The following SGCD variants were observed in gnomAD, a reference collection of about 807,000 sequenced individuals.
The protein encoded by SGCD is sarcoglycan delta, also known as delta-sarcoglycan.
A neutral mutation model predicts 36.6 loss-of-function variants in SGCD; 18 were observed. The observed-to-expected ratio is 0.49, with a 90% CI of 0.34 to 0.73. The LOEUF is 0.73. SGCD is among the 30% of genes least tolerant of loss of function. The pLI, the probability that SGCD is intolerant of heterozygous loss-of-function variation, is 0.01. For missense variants in SGCD, 387 were observed against 346.7 expected (o/e 1.12, Z -0.92); for synonymous variants, 133 against 130.6 (o/e 1.02, Z -0.12).
At chr5:156,729,269 T>G (rs1241009306) in intron 7 of SGCD, among the ~76,000 whole-genome samples, 2 of 152,200 alleles carry the variant, frequency 1.3e-5, no homozygotes, top group African/African-American at 2.4e-5. Flanking sequence ...AAGCTTTCCT[T>G]TGAGAACAAG....
intron 3 of SGCD, among the ~76,000 whole-genome samples, chr5:156,295,981 A>G (rs900993376): frequency 1.3e-5 from 2 of 152,178 alleles, no homozygotes; most frequent in Non-Finnish European, 1.5e-5. Context: ...CTTCTAAGAC[A>G]TGAATGTTAA....
At chr5:156,381,147 G>T (rs1000357976) in intron 3 of SGCD, among the ~76,000 whole-genome samples, 2 of 152,204 alleles carry the variant, frequency 1.3e-5, no homozygotes, top group Non-Finnish European at 2.9e-5. Flanking sequence ...AGGTAATCAG[G>T]CTTGTGAATT....
chr5:155,729,055 G>A, the SGCD span, among the ~76,000 whole-genome samples: 1 of 152,254 alleles, frequency 6.6e-6, no homozygotes, highest in Non-Finnish European at 1.5e-5. Context: ...ACGGCAAAGA[G>A]ACGGGAGAAA....
At chr5:156,726,827 A>C (rs1268094139) in intron 7 of SGCD, among the ~76,000 whole-genome samples, 1 of 152,238 alleles carries the variant, frequency 6.6e-6, no homozygotes. Flanking sequence ...TGTTAGGGCC[A>C]GAATGGTTGG....
rs547119632 is a variant in SGCD, at chr5:156,018,970, A to G, written c.-281-98908A>G. Among the ~76,000 whole-genome samples, 5 of 152,206 alleles carry G rather than the reference A, an allele frequency of 3.3e-5. No individual in the cohort carries two copies. In the South Asian group the frequency reaches 1.0e-3, roughly 32 times the overall value. ...AATTCAAGAGATTCATTGTCTTTTTAATAGGAAAAAATCTGTCAGTCAGGG... is the reference window on the plus strand; with the variant it reads ...AATTCAAGAGATTCATTGTCTTTTTGATAGGAAAAAATCTGTCAGTCAGGG... On this transcript the variant is annotated intron_variant, in intron 1 of 9. Transcript: ENST00000517913.
At chr5:156,423,656 C>T (rs911790649) in intron 3 of SGCD, among the ~76,000 whole-genome samples, 26 of 151,322 alleles carry the variant, frequency 1.7e-4, no homozygotes, top group Non-Finnish European at 7.4e-5. Context: ...GGGAGGGCAG[C>T]CTCTCAAGAA....
intron 3 of SGCD, among the ~76,000 whole-genome samples, chr5:156,286,770 A>G (rs1355531494): frequency 1.3e-5 from 2 of 152,110 alleles, no homozygotes; most frequent in Non-Finnish European, 2.9e-5. Flanking sequence ...ACATGTATAC[A>G]TATGTAACAA....
intron 3 of SGCD, among the ~76,000 whole-genome samples, chr5:156,157,893 C>G (rs1294514121): frequency 6.6e-6 from 1 of 151,542 alleles, no homozygotes; most frequent in Non-Finnish European, 1.5e-5. Context: ...ATATTAGTTT[C>G]TTAATTTATA....
chr5:156,607,996 T>A (rs1761563660), intron 6 of SGCD, among the ~76,000 whole-genome samples: 1 of 152,222 alleles, frequency 6.6e-6, no homozygotes, highest in South Asian at 2.1e-4. Context: ...AAAAAACAGC[T>A]CCTGGATTCA....
At chr5:156,173,884 G>C (rs1416179104) in intron 3 of SGCD, among the ~76,000 whole-genome samples, 1 of 151,788 alleles carries the variant, frequency 6.6e-6, no homozygotes, top group Non-Finnish European at 1.5e-5. Flanking sequence ...GGAAAATTAA[G>C]TTTTTTATAT....
At chr5:155,770,436 T>C in the SGCD span, among the ~76,000 whole-genome samples, 12,278 of 152,124 alleles carry the variant, frequency 0.081, 564 homozygotes, top group African/African-American at 0.11. Flanking sequence ...TCAAAGACCT[T>C]GGAGCAAGAA....
Position 156,125,805 on chromosome 5 carries a change from A to G in SGCD, c.-44+1786A>G, listed in dbSNP as rs910940512. 4.0e-5 allele frequency among the ~76,000 whole-genome samples: 6 copies of G among 149,958 alleles called. No homozygotes were observed. In the East Asian group the frequency reaches 1.2e-3, roughly 29 times the overall value. Reference sequence around the variant, plus strand: ...TAAACATTCTACAAAATTGATGTATAGTTGTGGTACAGTTACTTCTTCCCA... The same window carrying G: ...TAAACATTCTACAAAATTGATGTATGGTTGTGGTACAGTTACTTCTTCCCA... On this transcript the variant is annotated intron_variant, in intron 3 of 9. Coordinates refer to the SGCD transcript ENST00000517913.
At chr5:155,803,922 A>G in the SGCD span, among the ~76,000 whole-genome samples, 4 of 152,210 alleles carry the variant, frequency 2.6e-5, no homozygotes, top group South Asian at 2.1e-4. Context: ...TGAAATGCCA[A>G]TAGTGACCCA....
chr5:156,061,495 G>C lies in SGCD; in HGVS notation c.-281-56383G>C. Among the ~76,000 whole-genome samples the C allele has an allele frequency of 1.4e-5, 2 of 145,914 alleles. 1 individual carries two copies. Among genetic ancestry groups the C allele is most frequent in the Non-Finnish European group, 3.1e-5 (2 of 64,776 alleles). On this transcript the variant is annotated intron_variant, in intron 1 of 9. Coordinates refer to the SGCD transcript ENST00000517913. ...ATCCTGAAAACCAGGATTCGACTTAGCTTGGGTTTCTTCCTTAAAGGATGG... is the reference window on the plus strand; with the variant it reads ...ATCCTGAAAACCAGGATTCGACTTACCTTGGGTTTCTTCCTTAAAGGATGG...
At chr5:155,837,526 G>A in the SGCD span, among the ~76,000 whole-genome samples, 1 of 152,046 alleles carries the variant, frequency 6.6e-6, no homozygotes, top group Non-Finnish European at 1.5e-5. Flanking sequence ...GCTTGCCAGG[G>A]GCACCATAAA....
intron 7 of SGCD, among the ~76,000 whole-genome samples, chr5:156,685,702 A>C (rs754490358): frequency 1.3e-5 from 2 of 152,234 alleles, no homozygotes; most frequent in Non-Finnish European, 2.9e-5. Flanking sequence ...GGATATTGTC[A>C]TTTACTTTAG....
At chr5:155,929,694 C>A (rs1471212337) in intron 1 of SGCD, among the ~76,000 whole-genome samples, 2 of 152,182 alleles carry the variant, frequency 1.3e-5, no homozygotes, top group Non-Finnish European at 2.9e-5. Context: ...TCTATTATGG[C>A]ACAGACTTCA....
chr5:155,753,228 T>A, the SGCD span, among the ~76,000 whole-genome samples: 1 of 152,026 alleles, frequency 6.6e-6, no homozygotes, highest in East Asian at 1.9e-4. Context: ...TCCCACCTAC[T>A]CGGGAGGCTG....
intron 1 of SGCD, among the ~76,000 whole-genome samples, chr5:156,055,813 C>A (rs896194718): frequency 6.9e-6 from 1 of 145,680 alleles, no homozygotes; most frequent in African/African-American, 2.5e-5. Flanking sequence ...AGAAAGGAGT[C>A]TAAAAAGTTA....
Sources: gnomAD v4.1 joint callset for allele counts (sites outside exome capture counted in the v4.1 genomes callset) on GRCh38, gnomAD v4.1.1 for gene constraint, MANE v1.5 for transcripts, NCBI Gene and HGNC (gene_info 2026-07-23, HGNC 2026-07-21) for gene names.